The following BDP1 variants were observed in gnomAD, a reference collection of about 807,000 sequenced individuals.
BDP1 encodes transcription factor TFIIIB component B'' homolog.
In BDP1, 169 loss-of-function variants were observed where a neutral mutation model predicts 266.6. That is an observed-to-expected ratio of 0.63 (90% CI 0.56 to 0.72). BDP1 has a LOEUF of 0.72. Ranked by LOEUF, BDP1 falls within the 30% of genes least tolerant of loss-of-function variation. The pLI is 0.00. For missense variants in BDP1, 3,015 were observed against 3,053.8 expected (o/e 0.99, Z 0.30); for synonymous variants, 1,090 against 1,022.4 (o/e 1.07, Z -1.26).
intron 6 of BDP1, among the ~76,000 whole-genome samples, chr5:71,468,114 G>A (rs1762012868): frequency 6.6e-6 from 1 of 152,042 alleles, no homozygotes; most frequent in African/African-American, 2.4e-5. Context: ...TGCCTCCTGG[G>A]TTCAAGCGAT....
chr5:71,502,473 C>A, intron 14 of BDP1, 126 bp from the exon 15 acceptor site: 3 of 887,214 alleles, frequency 3.4e-6, no homozygotes, highest in Non-Finnish European at 5.0e-6. Flanking sequence ...TGCGCCCGGG[C>A]GGATTATGTC....
At chr5:71,482,991 A>G (rs1324020807) in intron 7 of BDP1, among the ~76,000 whole-genome samples, 2 of 152,250 alleles carry the variant, frequency 1.3e-5, no homozygotes, top group Non-Finnish European at 2.9e-5. Context: ...ATAAACAATA[A>G]GGAAATACAA....
At chr5:71,568,725 T>A (rs1321304206), downstream of BDP1, among the ~76,000 whole-genome samples, 1 of 152,244 alleles carries the variant, frequency 6.6e-6, no homozygotes, top group East Asian at 1.9e-4. Context: ...ACCTCTTATA[T>A]ATGTATGTCT....
intron 22 of BDP1, among the ~76,000 whole-genome samples, chr5:71,519,788 T>C (rs1333188644): frequency 1.3e-5 from 2 of 152,236 alleles, no homozygotes; most frequent in African/African-American, 4.8e-5. Context: ...AGTTCAGATA[T>C]CTCTTTGATA....
intron 36 of BDP1, among the ~76,000 whole-genome samples, chr5:71,557,416 G>T (rs1334840453): frequency 4.0e-5 from 5 of 124,178 alleles, no homozygotes; most frequent in Admixed American, 9.5e-5. Flanking sequence ...ACGGTGTCTC[G>T]CTCTGTCACC....
At chr5:71,475,934 G>A (rs1410192007) in intron 7 of BDP1, 4 of 152,510 alleles carry the variant, frequency 2.6e-5, no homozygotes, top group African/African-American at 7.2e-5. Context: ...CTGAGTTAGA[G>A]TTAGAAAGCA....
chr5:71,575,559 C>T, the BDP1 span, among the ~76,000 whole-genome samples: 11 of 152,194 alleles, frequency 7.2e-5, no homozygotes, highest in Non-Finnish European at 1.3e-4. Context: ...AAAAATTCAA[C>T]TGATGGGCAC....
intron 12 of BDP1, among the ~76,000 whole-genome samples, chr5:71,495,713 A>T (rs1184529688): frequency 6.6e-6 from 1 of 152,044 alleles, no homozygotes; most frequent in East Asian, 1.9e-4. Context: ...TTGCCATGAG[A>T]TTTTACTTTT....
rs1413718643 is a variant in BDP1 at position 71,566,657 on chromosome 5, C to G, written c.*1772C>G. Reference sequence around the variant, plus strand: ...AGTGTGAAAGAAGCCATAGACAGTACTTGAATGAAGGACTGTGGCTGGATT... The same window carrying G: ...AGTGTGAAAGAAGCCATAGACAGTAGTTGAATGAAGGACTGTGGCTGGATT... On this transcript the variant is annotated 3_prime_UTR_variant, in exon 39 of 39. Coordinates refer to ENST00000358731, the MANE Select transcript of BDP1 (RefSeq NM_018429.3). 2 of 152,182 alleles carry G rather than the reference C, an allele frequency of 1.3e-5. No individual in the cohort carries two copies. Among genetic ancestry groups the G allele is most frequent in the Non-Finnish European group, 2.9e-5 (2 of 68,028 alleles). 9.4% of individuals were successfully genotyped at this position (152,182 alleles called of 1,614,324 possible).
At chr5:71,517,064 C>T (rs1266166083) in intron 21 of BDP1, among the ~76,000 whole-genome samples, 1 of 152,134 alleles carries the variant, frequency 6.6e-6, no homozygotes, top group Non-Finnish European at 1.5e-5. Flanking sequence ...CAGTTTGAAT[C>T]TAATTTTAAA....
intron 30 of BDP1, among the ~76,000 whole-genome samples, chr5:71,543,728 C>G (rs971802203): frequency 6.6e-6 from 1 of 152,186 alleles, no homozygotes; most frequent in African/African-American, 2.4e-5. Flanking sequence ...CTACAGGTGT[C>G]AACCTGTAAT....
intron 7 of BDP1, among the ~76,000 whole-genome samples, chr5:71,479,919 A>G (rs1275698776): frequency 1.6e-5 from 2 of 123,444 alleles, no homozygotes; most frequent in Non-Finnish European, 3.7e-5. Flanking sequence ...AAAAATAATT[A>G]ATTTTTTGGT....
chr5:71,539,673 T>C, intron 28 of BDP1, 24 bp downstream of exon 28: 1 of 1,521,686 alleles, frequency 6.6e-7, no homozygotes, highest in Non-Finnish European at 9.0e-7. Context: ...CTAAGTCCTA[T>C]CAAAAATAGA....
chr5:71,524,563 T>C (rs1765674721), intron 25 of BDP1, among the ~76,000 whole-genome samples: 1 of 152,134 alleles, frequency 6.6e-6, no homozygotes, highest in Admixed American at 6.5e-5. Context: ...CTTACACTTG[T>C]ACCTGGAAGC....
intron 11 of BDP1, among the ~76,000 whole-genome samples, chr5:71,492,685 G>C (rs868411286): frequency 6.6e-6 from 1 of 152,036 alleles, no homozygotes; most frequent in South Asian, 2.1e-4. Flanking sequence ...CATTCCATAG[G>C]TTGCCTTTTC....
intron 5 of BDP1, among the ~76,000 whole-genome samples, chr5:71,466,541 A>G (rs1021860947): frequency 2.0e-5 from 3 of 152,202 alleles, no homozygotes; most frequent in African/African-American, 7.2e-5. Context: ...TAAGATTGAC[A>G]CAGTCTTGAA....
chr5:71,545,840 TAA>T (rs35888714), intron 32 of BDP1, among the ~76,000 whole-genome samples: 9 of 142,888 alleles, frequency 6.3e-5, no homozygotes, highest in African/African-American at 1.0e-4. Context: ...TTAATGCCAT[TAA>T]AAAAAAAAAA....
chr5:71,501,506 A>G, intron 13 of BDP1, 56 bp from the exon 14 acceptor site: 2 of 1,083,020 alleles, frequency 1.8e-6, no homozygotes, highest in East Asian at 4.7e-5. Flanking sequence ...TTTGTTTATT[A>G]CAAAGTTTGA....
At chr5:71,490,336 T>C (rs187647036) in intron 10 of BDP1, among the ~76,000 whole-genome samples, 3 of 152,328 alleles carry the variant, frequency 2.0e-5, no homozygotes, top group Admixed American at 2.0e-4. Flanking sequence ...GTAGCTAACA[T>C]AGTATGCTTT....
Sources: gnomAD v4.1 joint callset for allele counts (sites outside exome capture counted in the v4.1 genomes callset) on GRCh38, gnomAD v4.1.1 for gene constraint, MANE v1.5 for transcripts, NCBI Gene and HGNC (gene_info 2026-07-23, HGNC 2026-07-21) for gene names.